The following TTC3 variants were observed in gnomAD, a reference collection of about 807,000 sequenced individuals.
TTC3 encodes the protein tetratricopeptide repeat domain 3.
A neutral mutation model predicts 249.6 loss-of-function variants in TTC3; 180 were observed. The observed-to-expected ratio is 0.72, with a 90% confidence interval of 0.64 to 0.82. The LOEUF (loss-of-function observed/expected upper bound fraction) is 0.82, where lower values mean the gene tolerates loss of function less well. Among genes scored for constraint, TTC3 ranks in the 40% least tolerant of loss-of-function variants. The pLI, the probability that TTC3 is intolerant of heterozygous loss-of-function variation, is 0.00. For synonymous variants in TTC3, 717 were observed against 805.0 expected, an observed-to-expected ratio of 0.89 and a Z score of 1.85; for missense variants, 2,061 against 2,398.4, an observed-to-expected ratio of 0.86 and a Z score of 2.94.
intron 1 of TTC3, among the ~76,000 whole-genome samples, chr21:37,081,423 G>C (rs1338066225): frequency 6.6e-6 from 1 of 151,974 alleles, no homozygotes; most frequent in African/African-American, 2.4e-5. Context: ...GCCTATTTAT[G>C]CGTTTTTTGA....
intron 28 of TTC3, chr21:37,157,199 C>G: frequency 7.4e-7 from 1 of 1,344,086 alleles, no homozygotes; most frequent in Admixed American, 2.2e-5. Context: ...GCATGTTACA[C>G]TGACAGAATC....
In TTC3 at chr21:37,122,050, A is replaced by AT. The variant is rs1392023975; in HGVS notation, c.1063+73dup. 2.8e-6 allele frequency: 4 copies of AT among 1,404,560 alleles called. No homozygotes were observed. In the African/African-American group the frequency reaches 5.8e-5, roughly 20 times the overall value. The allele number at this position is 1,404,560 out of a possible 1,614,324, so 87.0% of individuals were successfully genotyped here. A position where few individuals can be genotyped will look rare whatever the true frequency, so the allele number is the denominator to read the frequency against. Reference sequence around the variant, plus strand: ...AAACTTTGGAGGGTGGGTTTCTTGGATTAACAGAGGACCACAAATCAATCC... The same window carrying AT: ...AAACTTTGGAGGGTGGGTTTCTTGGATTTAACAGAGGACCACAAATCAATCC... On this transcript the variant is annotated intron_variant, in intron 12 of 45. Coordinates refer to ENST00000355666, the Ensembl canonical transcript of TTC3.
At chr21:37,190,630 T>G (rs566322426) in intron 39 of TTC3, among the ~76,000 whole-genome samples, 1 of 152,332 alleles carries the variant, frequency 6.6e-6, no homozygotes, top group South Asian at 2.1e-4. Flanking sequence ...TCATTTCATC[T>G]AATAGTATCA....
At chr21:37,164,087 G>A in exon 32 of TTC3, 1 of 1,612,304 alleles carries the variant, frequency 6.2e-7, no homozygotes. Context: ...CATTTGCAGT[G>A]CCTGACCATC....
At chr21:37,114,674 A>G (rs2075971622) in intron 11 of TTC3, among the ~76,000 whole-genome samples, 1 of 152,146 alleles carries the variant, frequency 6.6e-6, no homozygotes, top group African/African-American at 2.4e-5. Context: ...CAGCCATCCC[A>G]TTACTGGGTA....
intron 34 of TTC3, among the ~76,000 whole-genome samples, chr21:37,168,827 GA>G (rs2081471133): frequency 6.6e-6 from 1 of 152,164 alleles, no homozygotes; most frequent in South Asian, 2.1e-4. Flanking sequence ...GATGCTTCTG[GA>G]GATTCTCATG....
intron 32 of TTC3, among the ~76,000 whole-genome samples, chr21:37,164,587 C>T (rs753096936): frequency 2.6e-5 from 4 of 152,170 alleles, no homozygotes; most frequent in Non-Finnish European, 5.9e-5. Context: ...ATCTGCCTGC[C>T]TCAGCCTTCC....
At chr21:37,124,517 A>G (rs889828932) in intron 13 of TTC3, 102 bp from the exon 14 acceptor site, 13 of 1,265,778 alleles carry the variant, frequency 1.0e-5, no homozygotes, top group Non-Finnish European at 1.4e-5. Flanking sequence ...TAAAACAATA[A>G]TACCTTGCTT....
Position 37,109,263 on chromosome 21 carries a change from C to T in TTC3, c.900+817C>T, listed in dbSNP as rs116307282. ...ATGTGTGAGCTGAAGCAGGGTGAGG[C>T]ATGGCCTCACCGGGGAAGCGCAAGG... On this transcript the variant is annotated intron_variant, in intron 11 of 45. Transcript: ENST00000355666. 4.7e-3 allele frequency among the ~76,000 whole-genome samples: 720 copies of T among 152,298 alleles called. 9 individuals carry two copies. Among genetic ancestry groups the T allele is most frequent in the African/African-American group, 0.017 (690 of 41,560 alleles).
Position 37,089,127 on chromosome 21 carries a change from A to G in TTC3, c.426+241A>G, listed in dbSNP as rs539061555. On this transcript the variant is annotated intron_variant, in intron 5 of 45. Transcript: ENST00000355666. ...TGCATCTTGTCATTAAAGGATAGAA[A>G]TTGGAACTTGTCACAGAAAGTGGGG... is the stretch of plus-strand genomic sequence containing the variant. Among the ~76,000 whole-genome samples the G allele has an allele frequency of 2.6e-5, 4 of 152,272 alleles. No homozygotes were observed. In the South Asian group the frequency reaches 8.3e-4, roughly 32 times the overall value.
At chr21:37,099,113 C>G (rs1225277783) in intron 10 of TTC3, 4 of 152,080 alleles carry the variant, frequency 2.6e-5, no homozygotes, top group African/African-American at 9.7e-5. Flanking sequence ...GGGTTAAAGT[C>G]TTGAATGCTA....
intron 20 of TTC3, 94 bp downstream of exon 20, chr21:37,140,767 C>A (rs2078370111): frequency 2.5e-6 from 2 of 803,264 alleles, no homozygotes; most frequent in Non-Finnish European, 3.8e-6. Flanking sequence ...ATTTTGATAT[C>A]TCCTCTGTAG....
exon 25 of TTC3, chr21:37,150,825 A>G: frequency 6.2e-7 from 1 of 1,610,990 alleles, no homozygotes; most frequent in East Asian, 2.2e-5. Context: ...TAAAGTTTGA[A>G]CACAAGGTCA....
intron 1 of TTC3, among the ~76,000 whole-genome samples, chr21:37,076,023 C>G (rs1783478193): frequency 6.6e-6 from 1 of 152,126 alleles, no homozygotes; most frequent in Non-Finnish European, 1.5e-5. Context: ...ACCACTCAAT[C>G]CAATAATCAA....
intron 10 of TTC3, among the ~76,000 whole-genome samples, chr21:37,103,883 T>A: frequency 6.6e-6 from 1 of 152,154 alleles, no homozygotes; most frequent in East Asian, 1.9e-4. Flanking sequence ...GTGTTAAGGC[T>A]TTTGGCCTTT....
At chr21:37,177,910 A>G (rs747153438) in intron 35 of TTC3, among the ~76,000 whole-genome samples, 2 of 152,212 alleles carry the variant, frequency 1.3e-5, no homozygotes, top group Admixed American at 1.3e-4. Flanking sequence ...GTGTAGCACA[A>G]TCTAAGTTTC....
At chr21:37,150,294 A>G (rs1001152023) in intron 24 of TTC3, 124 bp downstream of exon 24, 3 of 707,590 alleles carry the variant, frequency 4.2e-6, no homozygotes, top group African/African-American at 1.8e-5. Flanking sequence ...CAATTACTTC[A>G]TTTAAGAAAA....
At chr21:37,163,509 C>A (rs62226463) in intron 31 of TTC3, among the ~76,000 whole-genome samples, 49,658 of 151,978 alleles carry the variant, frequency 0.33, 8,456 homozygotes, top group South Asian at 0.52. Context: ...CGCCATGACG[C>A]CTGGCTAATT....
intron 11 of TTC3, among the ~76,000 whole-genome samples, chr21:37,108,724 A>G (rs1476691655): frequency 1.3e-5 from 2 of 152,158 alleles, no homozygotes; most frequent in East Asian, 3.8e-4. Flanking sequence ...GTGTGCCTGA[A>G]TGTGAAAAAT....
Sources: gnomAD v4.1 joint callset for allele counts (sites outside exome capture counted in the v4.1 genomes callset) on GRCh38, gnomAD v4.1.1 for gene constraint, MANE v1.5 for transcripts, NCBI Gene and HGNC (gene_info 2026-07-23, HGNC 2026-07-21) for gene names.